BAIAP2: variants seen among roughly 807,000 people sequenced by gnomAD.
The protein encoded by BAIAP2 is BAR/IMD domain-containing adapter protein 2.
BAIAP2 carries 18 observed loss-of-function variants against 63.0 expected under a neutral mutation model. The observed-to-expected ratio is 0.29, with a 90% CI of 0.20 to 0.42. The LOEUF is 0.42. Ranked by LOEUF, BAIAP2 falls within the 10% of genes least tolerant of loss-of-function variation. BAIAP2 has a pLI of 1.00. For missense variants in BAIAP2, 610 were observed against 734.3 expected (o/e 0.83, Z 1.96); for synonymous variants, 386 against 307.6 (o/e 1.25, Z -2.67).
At chr17:81,054,563 C>G (rs904271454) in intron 2 of BAIAP2, among the ~76,000 whole-genome samples, 2 of 152,158 alleles carry the variant, frequency 1.3e-5, no homozygotes, top group Non-Finnish European at 2.9e-5. Context: ...GGGAGGGGTG[C>G]GGATGTCAGT....
chr17:81,100,024 T>C lies in BAIAP2; in HGVS notation c.586T>C (p.Phe196Leu). ...ALTEERRRFCFLVEKQCAVAK... is the reference protein window; with the variant it reads ...ALTEERRRFCLLVEKQCAVAK... ...GACAGAGGAGCGCAGGCGCTTCTGC[T>C]TCCTGGTGGAGAAGCAGTGCGCCGT... Residue 196 changes from phenylalanine (F) to leucine (L), a missense_variant, in exon 7 of 14, where the codon TTC becomes CTC. This residue lies in a region of BAIAP2 where 389 missense variants were observed against 455.6 expected (regional missense o/e 0.85). Coordinates refer to ENST00000428708, the MANE Select transcript of BAIAP2 (RefSeq NM_001144888.2). The C allele has an allele frequency of 6.2e-7, 1 of 1,612,918 alleles. No individual in the cohort carries two copies. The highest frequency in any genetic ancestry group is 8.5e-7 in the Non-Finnish European group (1 of 1,179,926).
intron 3 of BAIAP2, among the ~76,000 whole-genome samples, chr17:81,072,541 A>G (rs376217210): frequency 3.3e-5 from 5 of 152,150 alleles, no homozygotes; most frequent in East Asian, 3.9e-4. Context: ...CCACGTCCCC[A>G]CCCGAACCTG....
chr17:81,080,716 G>A (rs2054468734), intron 3 of BAIAP2, among the ~76,000 whole-genome samples: 1 of 152,162 alleles, frequency 6.6e-6, no homozygotes, highest in African/African-American at 2.4e-5. Flanking sequence ...TATAATTTGG[G>A]GCTGCAGAAT....
chr17:81,080,394 G>A (rs953170682), intron 3 of BAIAP2, among the ~76,000 whole-genome samples: 1 of 152,252 alleles, frequency 6.6e-6, no homozygotes, highest in Non-Finnish European at 1.5e-5. Flanking sequence ...GCGGGCACAC[G>A]CCTGGTCTGT....
At chr17:81,048,050 G>A (rs2048091917) in intron 1 of BAIAP2, among the ~76,000 whole-genome samples, 1 of 152,236 alleles carries the variant, frequency 6.6e-6, no homozygotes, top group Non-Finnish European at 1.5e-5. Flanking sequence ...GGAAAGCGCT[G>A]GAGAGGCGGC....
At chr17:81,107,373 A>C (rs1447151157) in intron 12 of BAIAP2, 2 of 157,624 alleles carry the variant, frequency 1.3e-5, no homozygotes. Flanking sequence ...GACCCCTTCC[A>C]GTCAGTGTGA....
At chr17:81,074,501 C>A (rs1447770259) in intron 3 of BAIAP2, among the ~76,000 whole-genome samples, 1 of 147,892 alleles carries the variant, frequency 6.8e-6, no homozygotes, top group Non-Finnish European at 1.5e-5. Context: ...TGTGTCTGTG[C>A]GTGCATGGAT....
At chr17:81,061,687 G>A (rs1379167659) in intron 3 of BAIAP2, among the ~76,000 whole-genome samples, 1 of 152,110 alleles carries the variant, frequency 6.6e-6, no homozygotes, top group African/African-American at 2.4e-5. Context: ...TGGACACCTG[G>A]GTGTTTTTAG....
chr17:81,117,169 A>G lies in BAIAP2; in HGVS notation c.*1330A>G, dbSNP rs2060570887. ...CCCTCCACCGGGGTGTGCCGAGGAC[A>G]GTGGGGAGGAGAGGAGAGGGGCAGC... On this transcript the variant is annotated 3_prime_UTR_variant, in exon 14 of 14. Transcript: ENST00000428708. 6.8e-6 allele frequency: 1 copy of G among 148,118 alleles called. No individual in the cohort carries two copies. The highest frequency in any genetic ancestry group is 2.6e-5 in the African/African-American group (1 of 38,686). The allele number at this position is 148,118 out of a possible 1,614,324, so 9.2% of individuals were successfully genotyped here. A position where few individuals can be genotyped will look rare whatever the true frequency, so the allele number is the denominator to read the frequency against.
rs928106270 is a variant in BAIAP2, at chr17:81,087,823, G to A, written c.489+1243G>A. 26 of 152,242 alleles carry A rather than the reference G, an allele frequency of 1.7e-4. 1 individual carries two copies. The highest frequency in any genetic ancestry group is 6.3e-4 in the African/African-American group (26 of 41,392). 9.4% of individuals were successfully genotyped at this position (152,242 alleles called of 1,614,324 possible). A position where few individuals can be genotyped will look rare whatever the true frequency, so the allele number is the denominator to read the frequency against. The stretch of plus-strand genomic sequence containing the variant: ...ACCTCTTCCCGTGTCCCCAGCCTTT[G>A]TTTTGATCCTGTTTTTCACTCCAGG... On this transcript the variant is annotated intron_variant, in intron 6 of 13. Coordinates refer to ENST00000428708, the MANE Select transcript of BAIAP2 (RefSeq NM_001144888.2).
intron 1 of BAIAP2, chr17:81,036,160 C>G (rs2046228243): frequency 6.8e-6 from 1 of 147,440 alleles, no homozygotes; most frequent in South Asian, 2.5e-4. Flanking sequence ...CCTTGGTTTT[C>G]TCTTTCTTCA....
chr17:81,064,181 G>A (rs948784805), intron 3 of BAIAP2, among the ~76,000 whole-genome samples: 5 of 152,176 alleles, frequency 3.3e-5, no homozygotes, highest in South Asian at 4.1e-4. Flanking sequence ...TTCATTCTTC[G>A]CACCTTTTCT....
intron 1 of BAIAP2, among the ~76,000 whole-genome samples, chr17:81,047,305 C>T (rs1272763993): frequency 6.6e-6 from 1 of 152,042 alleles, no homozygotes; most frequent in Non-Finnish European, 1.5e-5. Flanking sequence ...TCCTGAGCCT[C>T]ACTTTCATCT....
At chr17:81,041,773 T>C (rs963150143) in intron 1 of BAIAP2, among the ~76,000 whole-genome samples, 8 of 152,216 alleles carry the variant, frequency 5.3e-5, no homozygotes, top group Admixed American at 3.3e-4. Flanking sequence ...GATTTTTCCA[T>C]GTTCGTCAGG....
chr17:81,082,117 G>A (rs1218032013), intron 3 of BAIAP2, among the ~76,000 whole-genome samples: 2 of 152,174 alleles, frequency 1.3e-5, no homozygotes, highest in East Asian at 1.9e-4. Context: ...CCTACCTGTC[G>A]TCCCCGTGAG....
intron 3 of BAIAP2, among the ~76,000 whole-genome samples, chr17:81,067,499 A>C (rs914540773): frequency 6.6e-6 from 1 of 152,208 alleles, no homozygotes; most frequent in Non-Finnish European, 1.5e-5. Flanking sequence ...TGAGCTCTGC[A>C]GGGAGATTAG....
intron 3 of BAIAP2, among the ~76,000 whole-genome samples, chr17:81,064,020 A>C (rs1038885490): frequency 3.3e-5 from 5 of 152,188 alleles, no homozygotes; most frequent in African/African-American, 1.2e-4. Context: ...CACCCGGCCG[A>C]GCAGGGCCCC....
chr17:81,104,241 T>A, intron 9 of BAIAP2, 133 bp downstream of exon 9: 2 of 1,028,148 alleles, frequency 1.9e-6, no homozygotes, highest in South Asian at 1.5e-5. Flanking sequence ...TGTACCTACA[T>A]GCATGTGGTA....
chr17:81,041,072 C>G (rs1029419412), intron 1 of BAIAP2, among the ~76,000 whole-genome samples: 3 of 152,250 alleles, frequency 2.0e-5, no homozygotes, highest in African/African-American at 7.2e-5. Flanking sequence ...CAAGTTAACC[C>G]CCATCTGCCC....
Sources: gnomAD v4.1 joint callset for allele counts (sites outside exome capture counted in the v4.1 genomes callset) on GRCh38, gnomAD v4.1.1 for gene constraint, gnomAD v4.1.1 regional missense constraint, MANE v1.5 for transcripts, NCBI Gene and HGNC (gene_info 2026-07-23, HGNC 2026-07-21) for gene names.